The following MSRB3 variants were observed in gnomAD, a reference collection of about 807,000 sequenced individuals.
MSRB3 encodes methionine-R-sulfoxide reductase B3.
MSRB3 carries 13 observed loss-of-function variants against 21.0 expected under a neutral mutation model. That is an observed-to-expected ratio of 0.62 (90% CI 0.40 to 0.98). MSRB3 has a LOEUF of 0.98. MSRB3 is among the 50% of genes least tolerant of loss of function. The pLI is 0.00. For missense variants in MSRB3, 199 were observed against 230.3 expected, an observed-to-expected ratio of 0.86 and a Z score of 0.88; for synonymous variants, 87 against 88.6, an observed-to-expected ratio of 0.98 and a Z score of 0.10.
chr12:65,408,292 A>T (rs1008930908), intron 5 of MSRB3, among the ~76,000 whole-genome samples: 2 of 152,012 alleles, frequency 1.3e-5, no homozygotes, highest in East Asian at 1.9e-4. Context: ...ATGGGATTTC[A>T]CCATATTGGC....
intron 4 of MSRB3, among the ~76,000 whole-genome samples, chr12:65,336,519 A>G (rs960912944): frequency 3.9e-5 from 6 of 152,214 alleles, no homozygotes; most frequent in Non-Finnish European, 8.8e-5. Context: ...CTAAATAACA[A>G]TCTTAGTTCT....
At chr12:65,322,108 A>C (rs866441212) in intron 2 of MSRB3, among the ~76,000 whole-genome samples, 2 of 152,304 alleles carry the variant, frequency 1.3e-5, no homozygotes, top group African/African-American at 4.8e-5. Flanking sequence ...TTACTTCTTA[A>C]TAGGAAGTTA....
rs75013253 is a variant in MSRB3, at chr12:65,411,027, A to G, written c.292+42001A>G. On this transcript the variant is annotated intron_variant, in intron 5 of 6. Coordinates refer to ENST00000308259, the MANE Select transcript of MSRB3 (RefSeq NM_001031679.3). ...TATAATCTTATTCTCATTTTGTTTA[A>G]TGTCTTGGGAATGTGTTGAATACTC... is the stretch of plus-strand genomic sequence containing the variant. Among the ~76,000 whole-genome samples the G allele has an allele frequency of 1.3e-4, 20 of 151,614 alleles. No individual in the cohort carries two copies. The East Asian group carries it at 3.5e-3, about 27-fold the overall frequency.
chr12:65,420,591 G>A (rs1881240299), intron 5 of MSRB3, among the ~76,000 whole-genome samples: 1 of 151,966 alleles, frequency 6.6e-6, no homozygotes, highest in Non-Finnish European at 1.5e-5. Context: ...TAAGCCTAGT[G>A]CCCAATAGTG....
At chr12:65,422,968 T>C (rs964007970) in intron 5 of MSRB3, among the ~76,000 whole-genome samples, 3 of 148,116 alleles carry the variant, frequency 2.0e-5, no homozygotes, top group African/African-American at 7.4e-5. Flanking sequence ...TTTCTTTTTT[T>C]TTTTTTTTTT....
chr12:65,328,113 CT>C (rs914123814), intron 3 of MSRB3, among the ~76,000 whole-genome samples: 13 of 152,236 alleles, frequency 8.5e-5, no homozygotes, highest in African/African-American at 3.1e-4. Flanking sequence ...TGCAATATTC[CT>C]TTTCAAACCA....
chr12:65,428,463 A>G (rs1881715178), intron 5 of MSRB3, among the ~76,000 whole-genome samples: 1 of 152,132 alleles, frequency 6.6e-6, no homozygotes, highest in African/African-American at 2.4e-5. Context: ...TTGTGGTTAC[A>G]TCCCTATTAT....
intron 5 of MSRB3, among the ~76,000 whole-genome samples, chr12:65,428,806 A>G (rs1374399902): frequency 1.3e-5 from 2 of 152,170 alleles, no homozygotes; most frequent in Non-Finnish European, 2.9e-5. Context: ...AGAAAACGCT[A>G]AACTAATTCC....
At chr12:65,340,371 T>C (rs1345833310) in intron 4 of MSRB3, among the ~76,000 whole-genome samples, 2 of 151,982 alleles carry the variant, frequency 1.3e-5, no homozygotes, top group Non-Finnish European at 2.9e-5. Flanking sequence ...AGTTATAACA[T>C]GTATATAATT....
intron 4 of MSRB3, among the ~76,000 whole-genome samples, chr12:65,364,586 A>G (rs1327503090): frequency 6.6e-6 from 1 of 152,224 alleles, no homozygotes; most frequent in Admixed American, 6.5e-5. Context: ...TATGTTTGGA[A>G]TGAATGACCA....
chr12:65,370,775 A>C (rs999190177), intron 5 of MSRB3, among the ~76,000 whole-genome samples: 3 of 152,140 alleles, frequency 2.0e-5, no homozygotes, highest in African/African-American at 4.8e-5. Flanking sequence ...TCTATCATGG[A>C]CAACATCTGC....
At chr12:65,452,418 A>G (rs564663192) in intron 5 of MSRB3, among the ~76,000 whole-genome samples, 2 of 152,322 alleles carry the variant, frequency 1.3e-5, no homozygotes, top group East Asian at 3.9e-4. Context: ...TGTAAACCAA[A>G]TATTATAGCC....
chr12:65,310,978 A>G (rs780210345), intron 2 of MSRB3, among the ~76,000 whole-genome samples: 2 of 152,200 alleles, frequency 1.3e-5, no homozygotes, highest in Non-Finnish European at 2.9e-5. Flanking sequence ...TTTAGTAAAC[A>G]CCATATATGT....
intron 4 of MSRB3, chr12:65,344,209 T>C (rs1876333985): frequency 6.6e-6 from 1 of 152,078 alleles, no homozygotes; most frequent in African/African-American, 2.4e-5. Context: ...ATGCTGCTTG[T>C]TGGAATAGAG....
chr12:65,346,925 G>T (rs1459487936), intron 4 of MSRB3, among the ~76,000 whole-genome samples: 1 of 152,048 alleles, frequency 6.6e-6, no homozygotes, highest in Non-Finnish European at 1.5e-5. Context: ...TGAGGGCTCT[G>T]TTCTGTTCCA....
At chr12:65,333,964 A>G (rs936716329) in intron 4 of MSRB3, among the ~76,000 whole-genome samples, 6 of 152,214 alleles carry the variant, frequency 3.9e-5, no homozygotes, top group African/African-American at 1.4e-4. Context: ...TGTAAGCCAT[A>G]ACAGTGCACA....
chr12:65,455,881 T>A (rs981056563), intron 6 of MSRB3, among the ~76,000 whole-genome samples: 2 of 151,980 alleles, frequency 1.3e-5, no homozygotes, highest in Admixed American at 6.6e-5. Context: ...GGACCATAGG[T>A]ACACACCACC....
At chr12:65,351,330 T>G (rs1876974156) in intron 4 of MSRB3, among the ~76,000 whole-genome samples, 2 of 147,460 alleles carry the variant, frequency 1.4e-5, no homozygotes, top group South Asian at 2.1e-4. Flanking sequence ...GAGGGAAATT[T>G]ATAGCACTAA....
At chr12:65,315,775 C>T (rs1000201322) in intron 2 of MSRB3, among the ~76,000 whole-genome samples, 1 of 150,364 alleles carries the variant, frequency 6.7e-6, no homozygotes, top group East Asian at 2.0e-4. Flanking sequence ...TATGTATTAA[C>T]TTTTATGATA....
Sources: gnomAD v4.1 joint callset for allele counts (sites outside exome capture counted in the v4.1 genomes callset) on GRCh38, gnomAD v4.1.1 for gene constraint, MANE v1.5 for transcripts, NCBI Gene and HGNC (gene_info 2026-07-23, HGNC 2026-07-21) for gene names.